SH2B3: variants seen among roughly 807,000 people sequenced by gnomAD.
SH2B3 encodes SH2B adaptor protein 3.
In SH2B3, 43 loss-of-function variants were observed where a neutral mutation model predicts 51.9. The ratio of observed to expected loss-of-function variants is 0.83; its 90% CI spans 0.65 to 1.07. SH2B3 has a LOEUF of 1.07. Ranked by LOEUF, SH2B3 falls within the 50% of genes least tolerant of loss-of-function variation. The pLI, the probability that SH2B3 is intolerant of heterozygous loss-of-function variation, is 0.00. For missense variants in SH2B3, 952 were observed against 834.3 expected (o/e 1.14, Z -1.74); for synonymous variants, 396 against 376.0 (o/e 1.05, Z -0.62).
chr12:111,441,695 A>G (rs1222507713), intron 2 of SH2B3, among the ~76,000 whole-genome samples: 1 of 152,142 alleles, frequency 6.6e-6, no homozygotes, highest in Admixed American at 6.5e-5. Flanking sequence ...AGTCTGGGTA[A>G]TGCATGGGTT....
chr12:111,420,673 C>G (rs1871472406), intron 2 of SH2B3, among the ~76,000 whole-genome samples: 1 of 152,154 alleles, frequency 6.6e-6, no homozygotes, highest in Non-Finnish European at 1.5e-5. Context: ...TTATGGAGCA[C>G]CTACTATGTG....
chr12:111,419,734 G>A (rs1004392259), intron 2 of SH2B3, among the ~76,000 whole-genome samples: 4 of 152,088 alleles, frequency 2.6e-5, no homozygotes, highest in Non-Finnish European at 4.4e-5. Flanking sequence ...CACATCTTAC[G>A]CTGCTGTGTA....
Position 111,418,793 on chromosome 12 carries a change from C to T in SH2B3, c.648C>T (p.Arg216=), listed in dbSNP as rs1871307844. The T allele has an allele frequency of 2.1e-6, 3 of 1,457,230 alleles. No homozygotes were observed. Among genetic ancestry groups the T allele is most frequent in the Non-Finnish European group, 2.7e-6 (3 of 1,114,906 alleles). The allele number at this position is 1,457,230 out of a possible 1,614,324, so 90.3% of individuals were successfully genotyped here. A position where few individuals can be genotyped will look rare whatever the true frequency, so the allele number is the denominator to read the frequency against. ...ADEASMDSGA[R]WQRGRLALRR... The stretch of plus-strand genomic sequence containing the variant: ...AGGCCTCCATGGACAGCGGGGCACG[C>T]TGGCAGCGCGGGAGGCTGGCGCTGC... Residue 216 remains arginine, a synonymous_variant, in exon 2 of 8, where the codon CGC becomes CGT. Transcript: ENST00000341259. The surrounding 1 kb of genome is among the most constrained non-coding windows in gnomAD (Gnocchi z 6.7).
intron 2 of SH2B3, chr12:111,444,071 T>G (rs1475684933): frequency 6.6e-6 from 1 of 152,218 alleles, no homozygotes; most frequent in East Asian, 1.9e-4. Flanking sequence ...GGCAGGTGCC[T>G]GTAATCCCAG....
At chr12:111,431,022 G>A (rs1302228652) in intron 2 of SH2B3, among the ~76,000 whole-genome samples, 1 of 145,982 alleles carries the variant, frequency 6.9e-6, no homozygotes, top group African/African-American at 2.5e-5. Context: ...CCGGCCGGGG[G>A]TGGGTGGCGG....
chr12:111,422,717 C>A (rs1457581874), intron 2 of SH2B3, among the ~76,000 whole-genome samples: 1 of 152,126 alleles, frequency 6.6e-6, no homozygotes, highest in Non-Finnish European at 1.5e-5. Flanking sequence ...CATGCTACCA[C>A]GCCTGGCTAA....
rs1264587132 is a variant in SH2B3 at position 111,406,614 on chromosome 12, G to A, written c.-28+337G>A. On this transcript the variant is annotated intron_variant, in intron 1 of 7. Transcript: ENST00000341259. This position sits in a 1 kb window ranked among gnomAD's most constrained non-coding sequence, Gnocchi z 5.7. Reference sequence around the variant, plus strand: ...GCCCTCCCCTCAACTTGTGCCTGGGGAGGAGCGGTCAGGGGTCACCCATTG... The same window carrying A: ...GCCCTCCCCTCAACTTGTGCCTGGGAAGGAGCGGTCAGGGGTCACCCATTG... Among the ~76,000 whole-genome samples the A allele has an allele frequency of 6.6e-6, 1 of 152,222 alleles. No homozygotes were observed. Among genetic ancestry groups the A allele is most frequent in the Non-Finnish European group, 1.5e-5 (1 of 68,038 alleles).
chr12:111,441,212 T>G (rs1873377634), intron 2 of SH2B3, among the ~76,000 whole-genome samples: 4 of 151,742 alleles, frequency 2.6e-5, no homozygotes, highest in African/African-American at 7.3e-5. Flanking sequence ...CCTATCTCTA[T>G]CTCTACAAAA....
intron 2 of SH2B3, among the ~76,000 whole-genome samples, chr12:111,434,559 C>T (rs1308729830): frequency 6.6e-6 from 1 of 152,200 alleles, no homozygotes; most frequent in Non-Finnish European, 1.5e-5. Flanking sequence ...TTTGTTCCTG[C>T]ATTTCTTGAC....
Position 111,447,661 on chromosome 12 carries a change from G to A in SH2B3, c.1242G>A (p.Leu414=). ...TFNFQGIAKH[L]RLSLTERGQC... is the part of the protein sequence containing the mutation. ...ACCATCCTCTCCTCCCACAGCACCTGCGCCTGTCGCTGACAGAGCGGGGCC... is the reference window on the plus strand; with the variant it reads ...ACCATCCTCTCCTCCCACAGCACCTACGCCTGTCGCTGACAGAGCGGGGCC... The change falls in exon 7 of 8, where the codon CTG becomes CTA. Residue 414 remains leucine (L), a synonymous_variant. Transcript: ENST00000341259. 6.2e-7 allele frequency: 1 copy of A among 1,611,842 alleles called. No homozygotes were observed. Among genetic ancestry groups the A allele is most frequent in the South Asian group, 1.1e-5 (1 of 91,026 alleles).
intron 2 of SH2B3, among the ~76,000 whole-genome samples, chr12:111,423,695 C>T (rs1351786734): frequency 6.6e-6 from 1 of 151,930 alleles, no homozygotes; most frequent in Non-Finnish European, 1.5e-5. Flanking sequence ...GAAAAACAAC[C>T]TCAGTGGCTG....
chr12:111,448,427 G>T lies in SH2B3; in HGVS notation c.*125G>T, dbSNP rs1257869501. The stretch of plus-strand genomic sequence containing the variant: ...ATTTAAGGGACACTGTTAACTGCTC[G>T]TGCCAGTTTGGAAGTGACCCTTCTA... On this transcript the variant is annotated 3_prime_UTR_variant, in exon 8 of 8. Transcript: ENST00000341259. 2 of 775,676 alleles carry T rather than the reference G, an allele frequency of 2.6e-6. No individual in the cohort carries two copies. Among genetic ancestry groups the T allele is most frequent in the South Asian group, 1.8e-5 (1 of 54,634 alleles). 48.0% of individuals were successfully genotyped at this position (775,676 alleles called of 1,614,324 possible).
chr12:111,447,280 A>T, intron 5 of SH2B3, 50 bp from the exon 6 acceptor site: 1 of 1,589,324 alleles, frequency 6.3e-7, no homozygotes, highest in Non-Finnish European at 8.6e-7. Context: ...GACTCAGCCC[A>T]GGACATAAGG....
At chr12:111,423,210 T>C (rs896068708) in intron 2 of SH2B3, among the ~76,000 whole-genome samples, 2 of 152,176 alleles carry the variant, frequency 1.3e-5, no homozygotes, top group African/African-American at 4.8e-5. Context: ...CTTAGTGTTT[T>C]ATTCCAAGCA....
chr12:111,405,819 C>A (rs1870193937), upstream of SH2B3: 1 of 151,808 alleles, frequency 6.6e-6, no homozygotes, highest in South Asian at 2.1e-4. This position sits in a 1 kb window ranked among gnomAD's most constrained non-coding sequence, Gnocchi z 5.4. Flanking sequence ...ATCTCCGACT[C>A]GCGCGCGGCC....
Position 111,448,190 on chromosome 12 carries a change from T to A in SH2B3, c.1616T>A (p.Leu539Gln), listed in dbSNP as rs2135624346. 1 of 1,614,156 alleles carries A rather than the reference T, an allele frequency of 6.2e-7. No individual in the cohort carries two copies. The highest frequency in any genetic ancestry group is 1.1e-5 in the South Asian group (1 of 91,084). The change falls in exon 8 of 8, where the codon CTG (leucine) becomes CAG (glutamine). Residue 539 changes from leucine (L) to glutamine (Q), a missense_variant. Transcript: ENST00000341259. ...TCGCCCGAAGAACTGGCCAACAGCC[T>A]GCAGCACCTGGAGCATGAGCCTGTG... ...VPSPEELANS[L>Q]QHLEHEPVNR...
Position 111,418,643 on chromosome 12 carries a change from C to T in SH2B3, c.498C>T (p.Pro166=). 4 of 1,478,374 alleles carry T rather than the reference C, an allele frequency of 2.7e-6. No homozygotes were observed. The highest frequency in any genetic ancestry group is 3.6e-6 in the Non-Finnish European group (4 of 1,123,926). 91.6% of individuals were successfully genotyped at this position (1,478,374 alleles called of 1,614,324 possible). ...AAHTAAAPGT[P]GEAAETPARP... Reference sequence around the variant, plus strand: ...ACACCGCTGCCGCCCCCGGGACCCCCGGAGAGGCTGCTGAGACCCCCGCCC... The same window carrying T: ...ACACCGCTGCCGCCCCCGGGACCCCTGGAGAGGCTGCTGAGACCCCCGCCC... Residue 166 remains proline (P), a synonymous_variant, in exon 2 of 8, where the codon CCC becomes CCT. Transcript: ENST00000341259. This position sits in a 1 kb window ranked among gnomAD's most constrained non-coding sequence, Gnocchi z 6.7.
At chr12:111,440,242 T>C (rs1229789558) in intron 2 of SH2B3, among the ~76,000 whole-genome samples, 1 of 152,204 alleles carries the variant, frequency 6.6e-6, no homozygotes, top group Non-Finnish European at 1.5e-5. Flanking sequence ...GTGAAGTAGG[T>C]GAAGGCACAG....
In SH2B3 at chr12:111,437,660, G is replaced by T. The variant is rs150340891; in HGVS notation, c.733-9093G>T. ...GAGGGGCCAGGCTTGGGGTCCTGGT[G>T]GGGGGCATAGCAGAGAAGCGCCCTG... On this transcript the variant is annotated intron_variant, in intron 2 of 7. Transcript: ENST00000341259. Among the ~76,000 whole-genome samples, 717 of 152,292 alleles carry T rather than the reference G, an allele frequency of 4.7e-3. 7 individuals are homozygous for T. The highest frequency in any genetic ancestry group is 0.016 in the African/African-American group (646 of 41,536).
Sources: gnomAD v4.1 joint callset for allele counts (sites outside exome capture counted in the v4.1 genomes callset) on GRCh38, gnomAD v4.1.1 for gene constraint, Gnocchi (gnomAD v3.1) non-coding constraint, MANE v1.5 for transcripts, NCBI Gene and HGNC (gene_info 2026-07-23, HGNC 2026-07-21) for gene names.